HECW1: variants seen among roughly 807,000 people sequenced by gnomAD.
HECW1 encodes E3 ubiquitin-protein ligase HECW1.
HECW1 carries 61 observed loss-of-function variants against 182.3 expected under a neutral mutation model. That is an observed-to-expected ratio of 0.33 (90% CI 0.27 to 0.41). The LOEUF (loss-of-function observed/expected upper bound fraction) is 0.41. Among genes scored for constraint, HECW1 ranks in the 10% least tolerant of loss-of-function variants. The pLI is 1.00. For synonymous variants in HECW1, 859 were observed against 832.6 expected (o/e 1.03, Z -0.55); for missense variants, 1,739 against 2,108.9 (o/e 0.82, Z 3.44).
chr7:43,186,353 A>G (rs1793394209), intron 2 of HECW1, among the ~76,000 whole-genome samples: 1 of 152,166 alleles, frequency 6.6e-6, no homozygotes, highest in Admixed American at 6.5e-5. Context: ...AACCTTGTGT[A>G]TGCTAGTGGT....
intron 5 of HECW1, among the ~76,000 whole-genome samples, chr7:43,330,579 G>A (rs1255349206): frequency 1.3e-5 from 2 of 152,232 alleles, no homozygotes; most frequent in Non-Finnish European, 2.9e-5. Flanking sequence ...CAAGGGAGGA[G>A]AAACCATCAA....
At chr7:43,448,825 G>T (rs934581954) in intron 11 of HECW1, among the ~76,000 whole-genome samples, 1 of 152,184 alleles carries the variant, frequency 6.6e-6, no homozygotes, top group African/African-American at 2.4e-5. Context: ...GACGTTGCTT[G>T]CTTTTAGCTG....
intron 2 of HECW1, among the ~76,000 whole-genome samples, chr7:43,208,274 G>A (rs2152693382): frequency 6.6e-6 from 1 of 152,204 alleles, no homozygotes; most frequent in East Asian, 1.9e-4. Context: ...TATTTCAATG[G>A]CTAGACATTT....
chr7:43,412,674 A>C (rs577521644), intron 8 of HECW1, among the ~76,000 whole-genome samples: 1 of 147,022 alleles, frequency 6.8e-6, no homozygotes, highest in South Asian at 2.2e-4. Flanking sequence ...TCAATGTTCA[A>C]TTCCCACCTA....
chr7:43,278,935 G>T (rs2152746324), intron 3 of HECW1, among the ~76,000 whole-genome samples: 1 of 152,292 alleles, frequency 6.6e-6, no homozygotes, highest in African/African-American at 2.4e-5. Context: ...TAGGATTCAA[G>T]CTCTGTGAGG....
chr7:43,390,543 A>C (rs1324857816), intron 6 of HECW1, among the ~76,000 whole-genome samples: 2 of 150,572 alleles, frequency 1.3e-5, no homozygotes, highest in African/African-American at 4.9e-5. Context: ...CTCTTAAAAA[A>C]AAAAACAAAA....
At chr7:43,248,015 A>C (rs996619172) in intron 3 of HECW1, among the ~76,000 whole-genome samples, 5 of 144,486 alleles carry the variant, frequency 3.5e-5, no homozygotes, top group Non-Finnish European at 7.6e-5. Context: ...GAAAGAGAGA[A>C]AGAAGAAAGC....
rs182317652 is a variant in HECW1 at position 43,397,279 on chromosome 7, C to T, written c.631+390C>T. ...CAACTGGCAAAACAGATAACTGAGC[C>T]GCTCAAAAATGCTCATTCATGGAAA... On this transcript the variant is annotated intron_variant, in intron 7 of 29. Transcript: ENST00000395891. Among the ~76,000 whole-genome samples the T allele has an allele frequency of 1.5e-4, 23 of 152,194 alleles. No homozygotes were observed. In the East Asian group the frequency reaches 3.5e-3, roughly 23 times the overall value.
chr7:43,376,842 G>A (rs2074350644), intron 6 of HECW1, among the ~76,000 whole-genome samples: 1 of 151,824 alleles, frequency 6.6e-6, no homozygotes, highest in African/African-American at 2.4e-5. Context: ...CTCCAGCCTG[G>A]GTGACAGAGC....
intron 19 of HECW1, among the ~76,000 whole-genome samples, chr7:43,498,029 G>A (rs562367816): frequency 2.0e-5 from 3 of 152,182 alleles, no homozygotes; most frequent in Non-Finnish European, 2.9e-5. Flanking sequence ...GATATATGTA[G>A]GAGAGACAGC....
At chr7:43,262,673 G>A (rs1034307358) in intron 3 of HECW1, among the ~76,000 whole-genome samples, 2 of 152,088 alleles carry the variant, frequency 1.3e-5, no homozygotes, top group Admixed American at 6.6e-5. Flanking sequence ...ATTCCTAGGG[G>A]GAAACAAACT....
chr7:43,403,028 A>G (rs903220089), intron 7 of HECW1, among the ~76,000 whole-genome samples: 4 of 152,094 alleles, frequency 2.6e-5, no homozygotes, highest in African/African-American at 9.7e-5. Flanking sequence ...AATGCTATAT[A>G]CTCTTAAGAA....
intron 5 of HECW1, among the ~76,000 whole-genome samples, chr7:43,359,645 A>G (rs1815620545): frequency 6.6e-6 from 1 of 152,228 alleles, no homozygotes; most frequent in African/African-American, 2.4e-5. Flanking sequence ...CAAAAATCTC[A>G]GAAGATTGTT....
rs922096406 is a variant in HECW1 at position 43,563,960 on chromosome 7, A to G, written c.*2034A>G. 2 of 187,170 alleles carry G rather than the reference A, an allele frequency of 1.1e-5. No homozygotes were observed. The highest frequency in any genetic ancestry group is 2.3e-5 in the Non-Finnish European group (2 of 88,746). The allele number at this position is 187,170 out of a possible 1,614,324, so 11.6% of individuals were successfully genotyped here. On this transcript the variant is annotated 3_prime_UTR_variant, in exon 30 of 30. Transcript: ENST00000395891. ...TGCAGCGATGTGTCCGTTGTCAATC[A>G]AGGAGTATACATTATAGAAATTTAG...
intron 3 of HECW1, among the ~76,000 whole-genome samples, chr7:43,259,389 A>AAG (rs1800941722): frequency 6.6e-6 from 1 of 151,332 alleles, no homozygotes; most frequent in Admixed American, 6.6e-5. Flanking sequence ...TCCATGTCCA[A>AAG]AAAAAAAAAC....
At chr7:43,145,247 G>A (rs1028057956) in intron 2 of HECW1, among the ~76,000 whole-genome samples, 2 of 152,154 alleles carry the variant, frequency 1.3e-5, no homozygotes, top group Admixed American at 6.5e-5. Flanking sequence ...GATGATTAAT[G>A]GAGTGTGTTT....
chr7:43,261,508 G>A (rs1175115010), intron 3 of HECW1, among the ~76,000 whole-genome samples: 1 of 152,180 alleles, frequency 6.6e-6, no homozygotes, highest in Admixed American at 6.5e-5. Flanking sequence ...ACCCTTGGGG[G>A]TTAAATGCAG....
intron 2 of HECW1, among the ~76,000 whole-genome samples, chr7:43,213,352 T>C (rs966337910): frequency 4.6e-5 from 7 of 152,114 alleles, no homozygotes; most frequent in African/African-American, 1.7e-4. Context: ...GGATCATCTG[T>C]ATACTACTGA....
At chr7:43,549,653 G>A (rs1376904620) in intron 26 of HECW1, among the ~76,000 whole-genome samples, 1 of 152,162 alleles carries the variant, frequency 6.6e-6, no homozygotes, top group African/African-American at 2.4e-5. Context: ...TAACAAACAG[G>A]CATCATCACA....
Sources: gnomAD v4.1 joint callset for allele counts (sites outside exome capture counted in the v4.1 genomes callset) on GRCh38, gnomAD v4.1.1 for gene constraint, MANE v1.5 for transcripts, NCBI Gene and HGNC (gene_info 2026-07-23, HGNC 2026-07-21) for gene names.